The following SPEF2 variants were observed in gnomAD, a reference collection of about 807,000 sequenced individuals.
SPEF2 encodes the protein sperm flagella and cilia-associated protein 2.
A neutral mutation model predicts 224.6 loss-of-function variants in SPEF2; 187 were observed. The ratio of observed to expected loss-of-function variants is 0.83; its 90% CI spans 0.74 to 0.94. The LOEUF (loss-of-function observed/expected upper bound fraction) is 0.94, where lower values mean the gene tolerates loss of function less well. SPEF2 is among the 40% of genes least tolerant of loss of function. SPEF2 has a pLI of 0.00. For missense variants in SPEF2, 2,170 were observed against 2,135.6 expected, an observed-to-expected ratio of 1.02 and a Z score of -0.32; for synonymous variants, 715 against 707.3, an observed-to-expected ratio of 1.01 and a Z score of -0.17.
chr5:35,618,692 G>C (rs1487865226), intron 1 of SPEF2, among the ~76,000 whole-genome samples: 1 of 151,462 alleles, frequency 6.6e-6, no homozygotes, highest in Non-Finnish European at 1.5e-5. Context: ...GCTATTTCTG[G>C]TCACTATTGG....
rs189781417 is a variant in SPEF2, at chr5:35,733,060, G to C, written c.3063+5237G>C. On this transcript the variant is annotated intron_variant, in intron 21 of 36. Coordinates refer to ENST00000356031, the MANE Select transcript of SPEF2 (RefSeq NM_024867.4). ...TGGGTCTGGGAACATATCCCCCCCTGACAAATGGAATTTCTGTAAGCAACC... is the reference window on the plus strand; with the variant it reads ...TGGGTCTGGGAACATATCCCCCCCTCACAAATGGAATTTCTGTAAGCAACC... 2.0e-5 allele frequency among the ~76,000 whole-genome samples: 3 copies of C among 152,138 alleles called. No individual in the cohort carries two copies. The East Asian group carries it at 5.8e-4, about 29-fold the overall frequency.
intron 21 of SPEF2, among the ~76,000 whole-genome samples, chr5:35,731,669 G>A (rs1346261872): frequency 1.3e-5 from 2 of 152,140 alleles, no homozygotes; most frequent in Non-Finnish European, 2.9e-5. Context: ...AAATTACTAG[G>A]CTCCTCTCAG....
intron 9 of SPEF2, 76 bp downstream of exon 9, chr5:35,667,335 G>A: frequency 9.6e-6 from 12 of 1,256,382 alleles, no homozygotes; most frequent in Non-Finnish European, 1.3e-5. Flanking sequence ...ATAGATACTA[G>A]GATGATAAGT....
chr5:35,727,672 A>C lies in SPEF2; in HGVS notation c.2915-3A>C. 1 of 1,612,162 alleles carries C rather than the reference A, an allele frequency of 6.2e-7. No individual in the cohort carries two copies. Among genetic ancestry groups the C allele is most frequent in the Non-Finnish European group, 8.5e-7 (1 of 1,178,816 alleles). On this transcript the variant is annotated splice_polypyrimidine_tract_variant and splice_region_variant and intron_variant, in intron 20 of 36. Coordinates refer to ENST00000356031, the MANE Select transcript of SPEF2 (RefSeq NM_024867.4). ...TTGGAATAATTTGATATGCATGTTT[A>C]AGGTTCTCCTAAAGGAAAATCATCA... is the stretch of plus-strand genomic sequence containing the variant.
At chr5:35,645,414 G>A (rs1300815894) in intron 4 of SPEF2, among the ~76,000 whole-genome samples, 3 of 152,088 alleles carry the variant, frequency 2.0e-5, no homozygotes, top group African/African-American at 7.2e-5. Context: ...TGTAAAAACG[G>A]GGATGCTTAC....
In SPEF2 at chr5:35,800,022, A is replaced by T. The variant is rs749503918; in HGVS notation, c.4885A>T (p.Thr1629Ser). ...GAAGGATCCACCCCAGCTTGACTAC[A>T]CACAGATGCTGCTTTACTTTGCTTG... ...YEKDPPQLDY[T>S]QMLLYFACHP... is the part of the protein sequence containing the mutation. Residue 1629 changes from threonine (T) to serine (S), a missense_variant, in exon 34 of 37, where the codon ACA becomes TCA. Thr to Ser is a moderately conservative substitution (Grantham distance 58). Coordinates refer to ENST00000356031, the MANE Select transcript of SPEF2 (RefSeq NM_024867.4). 3 of 1,614,134 alleles carry T rather than the reference A, an allele frequency of 1.9e-6. No individual in the cohort carries two copies. Among genetic ancestry groups the T allele is most frequent in the African/African-American group, 2.7e-5 (2 of 75,024 alleles).
At position 35,750,987 on chromosome 5, in the gene SPEF2, ATATATATATG is replaced by A. The variant is rs1343129929; in HGVS notation, c.3331-2627_3331-2618del. Among the ~76,000 whole-genome samples, 142 of 75,694 alleles carry A rather than the reference ATATATATATG, an allele frequency of 1.9e-3. 3 individuals are homozygous for A. The highest frequency in any genetic ancestry group is 4.9e-3 in the African/African-American group (130 of 26,278). The allele number at this position is 75,694 out of a possible 152,430, so 49.7% of individuals were successfully genotyped here. On this transcript the variant is annotated intron_variant, in intron 23 of 36. Transcript: ENST00000356031. ...TGAGTGGATAAAGAAACTGTGCTAT[ATATATATATG>A]TATATATATATATACGTATATATAT...
intron 1 of SPEF2, among the ~76,000 whole-genome samples, chr5:35,625,980 C>T (rs1350652958): frequency 3.3e-5 from 5 of 152,156 alleles, no homozygotes; most frequent in African/African-American, 1.2e-4. Context: ...TCAAGCCAAT[C>T]TTCATTTTAG....
At chr5:35,709,206 T>C (rs1740612151) in intron 19 of SPEF2, 85 bp downstream of exon 19, 1 of 1,561,314 alleles carries the variant, frequency 6.4e-7, no homozygotes, top group South Asian at 1.2e-5. Flanking sequence ...CTATCTACAT[T>C]CAGACTTTGG....
intron 33 of SPEF2, among the ~76,000 whole-genome samples, chr5:35,797,136 G>C (rs1452713796): frequency 6.6e-6 from 1 of 152,166 alleles, no homozygotes; most frequent in Admixed American, 6.5e-5. Flanking sequence ...TCAATCAAAG[G>C]CAGAATCTTT....
intron 1 of SPEF2, among the ~76,000 whole-genome samples, chr5:35,626,366 T>G (rs73078249): frequency 0.02 from 3,009 of 152,276 alleles, 98 homozygotes; most frequent in African/African-American, 0.069. Context: ...CTGGTCTGTT[T>G]GTGGAAAAGC....
chr5:35,686,194 A>C (rs1224996777), intron 10 of SPEF2, among the ~76,000 whole-genome samples: 1 of 152,094 alleles, frequency 6.6e-6, no homozygotes, highest in Non-Finnish European at 1.5e-5. Context: ...TGTATCTTGA[A>C]ATTTCTAATT....
chr5:35,691,096 C>CA lies in SPEF2; in HGVS notation c.1586dup (p.Asn529LysfsTer13). 1 of 1,614,092 alleles carries CA rather than the reference C, an allele frequency of 6.2e-7. No homozygotes were observed. The highest frequency in any genetic ancestry group is 8.5e-7 in the Non-Finnish European group (1 of 1,179,990). On this transcript the variant is annotated frameshift_variant, in exon 11 of 37. Coordinates refer to ENST00000356031, the MANE Select transcript of SPEF2 (RefSeq NM_024867.4). LOFTEE classifies it high-confidence loss of function. ...TGGTTGACAATTTACCACCCTCCAA[C>CA]AATTGCATACTGGGCCATATTCTTC...
chr5:35,683,234 A>ATCTG (rs1296575784), intron 10 of SPEF2, among the ~76,000 whole-genome samples: 20 of 152,150 alleles, frequency 1.3e-4, no homozygotes, highest in African/African-American at 4.8e-4. Context: ...GGCCCACGTG[A>ATCTG]TCTGTAAAGA....
intron 1 of SPEF2, among the ~76,000 whole-genome samples, chr5:35,627,728 A>G (rs572066188): frequency 6.6e-6 from 1 of 152,332 alleles, no homozygotes; most frequent in South Asian, 2.1e-4. Flanking sequence ...TAGCTCTCTG[A>G]TATAAGATAT....
chr5:35,746,165 C>A (rs1402553028), intron 23 of SPEF2, among the ~76,000 whole-genome samples: 1 of 152,232 alleles, frequency 6.6e-6, no homozygotes, highest in African/African-American at 2.4e-5. Flanking sequence ...ACAAAAGAAT[C>A]TGAACAAGAG....
intron 2 of SPEF2, among the ~76,000 whole-genome samples, chr5:35,637,233 G>A (rs1745966474): frequency 6.6e-6 from 1 of 152,028 alleles, no homozygotes; most frequent in Non-Finnish European, 1.5e-5. Context: ...TTAAATAAAT[G>A]CTCCTTGAGT....
At position 35,712,837 on chromosome 5, in the gene SPEF2, T is replaced by C. The variant is rs1357323805; in HGVS notation, c.2865T>C (p.Ser955=). Residue 955 remains serine (S), a synonymous_variant, in exon 20 of 37, where the codon TCT becomes TCC. Transcript: ENST00000356031. ...AAGCCCCGCATGGTAAGCAAGAATC[T>C]CTTCAGGAAGGAAAAGGGAAGAAAG... ...QSEAPHGKQE[S]LQEGKGKKGE... 1.9e-6 allele frequency: 3 copies of C among 1,613,756 alleles called. No individual in the cohort carries two copies. The African/African-American group carries it at 4.0e-5, about 22-fold the overall frequency.
chr5:35,623,828 A>C (rs1743843166), intron 1 of SPEF2, among the ~76,000 whole-genome samples: 1 of 152,266 alleles, frequency 6.6e-6, no homozygotes, highest in Non-Finnish European at 1.5e-5. Context: ...AAATTAGAAC[A>C]CAGTAATAAT....
Sources: gnomAD v4.1 joint callset for allele counts (sites outside exome capture counted in the v4.1 genomes callset) on GRCh38, gnomAD v4.1.1 for gene constraint, MANE v1.5 for transcripts, NCBI Gene and HGNC (gene_info 2026-07-23, HGNC 2026-07-21) for gene names.